ARL15: variants seen among roughly 807,000 people sequenced by gnomAD.
ARL15 encodes the protein ADP-ribosylation factor-like protein 15.
Under a neutral mutation model 25.2 loss-of-function variants are expected in ARL15, and 19 were observed. The observed-to-expected ratio is 0.75, with a 90% confidence interval of 0.53 to 1.10. The LOEUF (loss-of-function observed/expected upper bound fraction) is 1.10. Among genes scored for constraint, ARL15 ranks in the 50% least tolerant of loss-of-function variants. The pLI is 0.00. For missense variants in ARL15, 220 were observed against 246.0 expected, an observed-to-expected ratio of 0.89 and a Z score of 0.71; for synonymous variants, 94 against 86.8, an observed-to-expected ratio of 1.08 and a Z score of -0.46.
chr5:54,156,584 T>G (rs866543638), intron 2 of ARL15, among the ~76,000 whole-genome samples: 6 of 152,302 alleles, frequency 3.9e-5, no homozygotes, highest in African/African-American at 1.4e-4. Context: ...AAGTATGTAG[T>G]TGGAGATGTA....
chr5:54,296,967 G>A (rs1307903688), intron 1 of ARL15, among the ~76,000 whole-genome samples: 2 of 152,206 alleles, frequency 1.3e-5, no homozygotes, highest in Non-Finnish European at 2.9e-5. Flanking sequence ...TTGGAAAGGA[G>A]GCACAGAGCA....
intron 4 of ARL15, 91 bp downstream of exon 4, chr5:54,113,111 A>C: frequency 7.9e-7 from 1 of 1,265,842 alleles, no homozygotes; most frequent in Non-Finnish European, 1.1e-6. Flanking sequence ...TAACCAGCAC[A>C]TTCCTAATTA....
intron 3 of ARL15, among the ~76,000 whole-genome samples, chr5:54,139,837 A>C: frequency 6.6e-6 from 1 of 152,150 alleles, no homozygotes. Flanking sequence ...GTCTCAAAAA[A>C]AAGGAATAAA....
At chr5:54,279,541 A>G (rs1461833743) in intron 1 of ARL15, among the ~76,000 whole-genome samples, 1 of 152,136 alleles carries the variant, frequency 6.6e-6, no homozygotes, top group Non-Finnish European at 1.5e-5. Context: ...GACCTCATCT[A>G]AACCTAATTA....
At chr5:54,123,650 C>T (rs1753160168) in intron 3 of ARL15, among the ~76,000 whole-genome samples, 1 of 152,108 alleles carries the variant, frequency 6.6e-6, no homozygotes, top group South Asian at 2.1e-4. Context: ...TCAGACTTCC[C>T]TCTTTACACA....
chr5:54,231,536 G>A (rs1756671291), intron 1 of ARL15, among the ~76,000 whole-genome samples: 1 of 152,172 alleles, frequency 6.6e-6, no homozygotes, highest in African/African-American at 2.4e-5. Context: ...TAACAAGGCT[G>A]GCAGAGCTCA....
chr5:54,177,651 A>G (rs2112418714), intron 1 of ARL15, among the ~76,000 whole-genome samples: 2 of 152,308 alleles, frequency 1.3e-5, no homozygotes, highest in African/African-American at 4.8e-5. Context: ...CCTCATGTCA[A>G]CATTGCAAAG....
chr5:54,305,838 C>T (rs181127831), intron 1 of ARL15, among the ~76,000 whole-genome samples: 9 of 152,074 alleles, frequency 5.9e-5, no homozygotes, highest in African/African-American at 1.7e-4. Context: ...AAAGTAAAAC[C>T]GTGGATGGGA....
intron 4 of ARL15, among the ~76,000 whole-genome samples, chr5:54,013,324 G>C (rs1379542288): frequency 2.0e-5 from 3 of 152,204 alleles, no homozygotes; most frequent in Non-Finnish European, 4.4e-5. Context: ...AGTCTAGCAT[G>C]ACTGATTCCA....
chr5:54,191,137 G>A (rs1052369734), intron 1 of ARL15, among the ~76,000 whole-genome samples: 2 of 152,146 alleles, frequency 1.3e-5, no homozygotes, highest in African/African-American at 4.8e-5. Context: ...TAAAAAGGAA[G>A]GAAGTTGTGA....
chr5:54,180,105 G>A (rs1491000814), intron 1 of ARL15, among the ~76,000 whole-genome samples: 3 of 151,022 alleles, frequency 2.0e-5, no homozygotes, highest in Non-Finnish European at 2.9e-5. Flanking sequence ...AATCTCTTTT[G>A]AAACAGCCTC....
At chr5:54,208,168 ACAGC>A (rs1255266026) in intron 1 of ARL15, among the ~76,000 whole-genome samples, 1 of 152,094 alleles carries the variant, frequency 6.6e-6, no homozygotes, top group African/African-American at 2.4e-5. Context: ...CTCTGATAAA[ACAGC>A]CAAATACCCA....
chr5:54,099,382 C>A (rs925799633), intron 4 of ARL15, among the ~76,000 whole-genome samples: 1 of 151,904 alleles, frequency 6.6e-6, no homozygotes, highest in African/African-American at 2.4e-5. Context: ...ATTTTATCGG[C>A]TAATGATTAA....
intron 4 of ARL15, among the ~76,000 whole-genome samples, chr5:54,029,320 C>A (rs31231): frequency 0.13 from 15,027 of 115,488 alleles, 1,145 homozygotes; most frequent in East Asian, 0.38. Context: ...ACCACCACCA[C>A]CACCACCACC....
chr5:53,932,349 C>T (rs768341285), intron 4 of ARL15, among the ~76,000 whole-genome samples: 5 of 152,154 alleles, frequency 3.3e-5, no homozygotes, highest in Non-Finnish European at 5.9e-5. Context: ...GTAAACCAAA[C>T]GGAACCGAGC....
At chr5:53,926,003 T>C (rs866450501) in intron 4 of ARL15, among the ~76,000 whole-genome samples, 213 of 126,514 alleles carry the variant, frequency 1.7e-3, no homozygotes, top group African/African-American at 1.2e-3. Flanking sequence ...CTTTCTTTTT[T>C]TTTTTTTTTT....
intron 4 of ARL15, among the ~76,000 whole-genome samples, chr5:54,005,818 C>T (rs1749013339): frequency 1.3e-5 from 2 of 150,626 alleles, no homozygotes; most frequent in African/African-American, 2.4e-5. Flanking sequence ...GCCGAGATTG[C>T]ACCACTGCAC....
chr5:54,026,726 T>C (rs1579713680), intron 4 of ARL15, among the ~76,000 whole-genome samples: 1 of 152,270 alleles, frequency 6.6e-6, no homozygotes, highest in African/African-American at 2.4e-5. Context: ...ATCACAAATA[T>C]TGCCTGAGCC....
chr5:54,082,620 T>C (rs156380), intron 4 of ARL15, among the ~76,000 whole-genome samples: 120,753 of 152,092 alleles, frequency 0.79, 48,205 homozygotes, highest in African/African-American at 0.81. Flanking sequence ...CAAGATAAAA[T>C]AGGAAGAAGC....
Sources: allele counts gnomAD v4.1 joint callset (sites outside exome capture counted in the v4.1 genomes callset), GRCh38; gene constraint gnomAD v4.1.1; transcripts MANE v1.5; gene names NCBI Gene and HGNC (gene_info 2026-07-23, HGNC 2026-07-21).